CDK6: variants seen among roughly 807,000 people sequenced by gnomAD.
The protein encoded by CDK6 is cyclin dependent kinase 6.
A neutral mutation model predicts 37.1 loss-of-function variants in CDK6; 6 were observed. The observed-to-expected ratio is 0.16, with a 90% CI of 0.09 to 0.32. CDK6 has a LOEUF of 0.32. Among genes scored for constraint, CDK6 ranks in the 10% least tolerant of loss-of-function variants. The probability of loss-of-function intolerance (pLI) is 1.00; values close to 1 mark genes in which losing one functional copy is unlikely to be tolerated. For missense variants in CDK6, 224 were observed against 418.9 expected, an observed-to-expected ratio of 0.53 and a Z score of 4.06; for synonymous variants, 160 against 161.3, an observed-to-expected ratio of 0.99 and a Z score of 0.06.
chr7:92,654,551 T>A lies in CDK6; in HGVS notation c.647+16875A>T, dbSNP rs141873264. On this transcript the variant is annotated intron_variant, in intron 5 of 7. Transcript: ENST00000424848. Reference sequence around the variant, plus strand: ...TTCTAATATTACTCTTATGTCTCTGTCCCCACTTACTAAATATCCCATTCT... The same window carrying A: ...TTCTAATATTACTCTTATGTCTCTGACCCCACTTACTAAATATCCCATTCT... Among the ~76,000 whole-genome samples, 507 of 152,280 alleles carry A rather than the reference T, an allele frequency of 3.3e-3. 5 individuals are homozygous for A. Among genetic ancestry groups the A allele is most frequent in the African/African-American group, 0.012 (482 of 41,554 alleles).
At chr7:92,774,648 A>T (rs1158523200) in intron 3 of CDK6, 48 bp downstream of exon 3, 1 of 1,509,468 alleles carries the variant, frequency 6.6e-7, no homozygotes, top group Non-Finnish European at 8.9e-7. Context: ...TGCTTAACAG[A>T]CTATAATAGT....
intron 4 of CDK6, chr7:92,725,422 T>A (rs771837416): frequency 7.6e-5 from 57 of 753,202 alleles, no homozygotes; most frequent in Non-Finnish European, 9.2e-5. Flanking sequence ...ATGGATCCTG[T>A]CCACAACAAG....
intron 2 of CDK6, among the ~76,000 whole-genome samples, chr7:92,817,416 AT>A (rs1212146020): frequency 6.6e-6 from 1 of 151,898 alleles, no homozygotes; most frequent in Non-Finnish European, 1.5e-5. Context: ...AATCAATTCA[AT>A]TCTTCAGAAA....
intron 4 of CDK6, among the ~76,000 whole-genome samples, chr7:92,686,723 G>A (rs914718287): frequency 6.6e-6 from 1 of 152,044 alleles, no homozygotes; most frequent in Non-Finnish European, 1.5e-5. Flanking sequence ...CTATAGTGAT[G>A]TACTAGTTTA....
rs1398010958 is a variant in CDK6, at chr7:92,606,857, A to AT, written c.*8282dup. The AT allele has an allele frequency of 8.6e-6, 2 of 232,764 alleles. No individual in the cohort carries two copies. The allele number at this position is 232,764 out of a possible 1,614,324, so 14.4% of individuals were successfully genotyped here. ...TCTAATTTGCACTCTACGTGAACCA[A>AT]TATTTTTCTTTTCTTAACACATACT... On this transcript the variant is annotated 3_prime_UTR_variant, in exon 8 of 8. Coordinates refer to ENST00000424848, the MANE Select transcript of CDK6 (RefSeq NM_001145306.2).
intron 6 of CDK6, among the ~76,000 whole-genome samples, chr7:92,622,735 G>C (rs1795830889): frequency 6.6e-6 from 1 of 152,160 alleles, no homozygotes; most frequent in African/African-American, 2.4e-5. Context: ...CTTTTGAAAT[G>C]ACCACAAGCA....
At chr7:92,712,402 T>C (rs1205215434) in intron 4 of CDK6, among the ~76,000 whole-genome samples, 1 of 152,164 alleles carries the variant, frequency 6.6e-6, no homozygotes, top group Non-Finnish European at 1.5e-5. Context: ...TTTTCTAAAA[T>C]ATTATGGGAC....
At position 92,725,258 on chromosome 7, in the gene CDK6, A is replaced by G. The variant is rs138314794; in HGVS notation, c.537+368T>C. ...AAAACCATGATGCTGCAGACAGGTC[A>G]ACGTTGCTCGTGCTCTTTCTTCCCT... On this transcript the variant is annotated intron_variant, in intron 4 of 7. Transcript: ENST00000424848. 2.4e-5 allele frequency: 24 copies of G among 985,444 alleles called. No individual in the cohort carries two copies. The East Asian group carries it at 1.5e-3, about 61-fold the overall frequency. The allele number at this position is 985,444 out of a possible 1,614,324, so 61.0% of individuals were successfully genotyped here. A position where few individuals can be genotyped will look rare whatever the true frequency, so the allele number is the denominator to read the frequency against.
At chr7:92,792,116 C>CA (rs1220170995) in intron 2 of CDK6, among the ~76,000 whole-genome samples, 1 of 152,038 alleles carries the variant, frequency 6.6e-6, no homozygotes, top group African/African-American at 2.4e-5. Context: ...GAAGTGTCTG[C>CA]AAAAGCCCAG....
At chr7:92,654,217 G>T (rs1796638795) in intron 5 of CDK6, among the ~76,000 whole-genome samples, 1 of 150,688 alleles carries the variant, frequency 6.6e-6, no homozygotes, top group Non-Finnish European at 1.5e-5. Flanking sequence ...CTGTTTTAGA[G>T]AGTATGTCTT....
intron 2 of CDK6, among the ~76,000 whole-genome samples, chr7:92,826,442 G>A (rs1246577566): frequency 2.0e-5 from 3 of 152,142 alleles, no homozygotes; most frequent in Non-Finnish European, 2.9e-5. Context: ...TGGCCCTGAA[G>A]GATAAGCAGA....
chr7:92,740,469 C>T lies in CDK6; in HGVS notation c.370-14676G>A, dbSNP rs140469310. ...TCGTATAATCTCACAATGCTCTGAG[C>T]ATAGTTCTGGCACAGAACTTATTCC... On this transcript the variant is annotated intron_variant, in intron 3 of 7. Transcript: ENST00000424848. 8.6e-4 allele frequency among the ~76,000 whole-genome samples: 131 copies of T among 152,312 alleles called. 1 individual carries two copies. The East Asian group carries it at 0.019, about 23-fold the overall frequency.
At chr7:92,696,098 C>G (rs993610946) in intron 4 of CDK6, among the ~76,000 whole-genome samples, 9 of 152,168 alleles carry the variant, frequency 5.9e-5, no homozygotes, top group African/African-American at 2.2e-4. Context: ...GCAATGGACT[C>G]AAGGTTATAA....
intron 2 of CDK6, among the ~76,000 whole-genome samples, chr7:92,790,482 C>T (rs1004745172): frequency 6.6e-6 from 1 of 152,048 alleles, no homozygotes; most frequent in Non-Finnish European, 1.5e-5. Flanking sequence ...AACCAGCAAA[C>T]GTTTATTAAA....
intron 5 of CDK6, among the ~76,000 whole-genome samples, chr7:92,665,776 A>T (rs1796942707): frequency 6.6e-6 from 1 of 152,246 alleles, no homozygotes; most frequent in African/African-American, 2.4e-5. Context: ...TACAGAAAAA[A>T]ATATGGCCTA....
intron 2 of CDK6, among the ~76,000 whole-genome samples, chr7:92,784,049 A>C (rs761268567): frequency 3.3e-5 from 5 of 151,814 alleles, no homozygotes; most frequent in Non-Finnish European, 7.4e-5. Context: ...CTGTAGCATC[A>C]CTCTGTTATG....
rs539110539 is a variant in CDK6 at position 92,780,267 on chromosome 7, C to T, written c.234-5436G>A. On this transcript the variant is annotated intron_variant, in intron 2 of 7. Coordinates refer to ENST00000424848, the MANE Select transcript of CDK6 (RefSeq NM_001145306.2). ...GATTACAGGCGTGAGCCACTGTGCC[C>T]GGCCAGAAACTTTAATATAACAAAT... 1.6e-4 allele frequency among the ~76,000 whole-genome samples: 24 copies of T among 152,246 alleles called. No individual in the cohort carries two copies. The South Asian group carries it at 4.3e-3, about 28-fold the overall frequency.
chr7:92,773,759 ATCAG>A (rs1489220739), intron 3 of CDK6, among the ~76,000 whole-genome samples: 1 of 152,256 alleles, frequency 6.6e-6, no homozygotes, highest in African/African-American at 2.4e-5. Flanking sequence ...TTCTAAATGT[ATCAG>A]TCAGTATCTG....
chr7:92,730,288 A>G (rs931883575), intron 3 of CDK6, among the ~76,000 whole-genome samples: 2 of 152,326 alleles, frequency 1.3e-5, no homozygotes, highest in South Asian at 4.1e-4. Context: ...TTTTCTCCTT[A>G]TACTCTGTAA....
Sources: gnomAD v4.1 joint callset for allele counts (sites outside exome capture counted in the v4.1 genomes callset) on GRCh38, gnomAD v4.1.1 for gene constraint, MANE v1.5 for transcripts, NCBI Gene and HGNC (gene_info 2026-07-23, HGNC 2026-07-21) for gene names.